Variants in SEMA3A observed in about 807,000 individuals in gnomAD.
SEMA3A encodes semaphorin-3A.
SEMA3A carries 29 observed loss-of-function variants against 97.9 expected under a neutral mutation model. The ratio of observed to expected loss-of-function variants is 0.30; its 90% CI spans 0.22 to 0.40. The LOEUF is 0.40. Among genes scored for constraint, SEMA3A ranks in the 10% least tolerant of loss-of-function variants. The pLI is 1.00. For synonymous variants in SEMA3A, 321 were observed against 323.7 expected, an observed-to-expected ratio of 0.99 and a Z score of 0.09; for missense variants, 763 against 951.3, an observed-to-expected ratio of 0.80 and a Z score of 2.60.
chr7:84,467,199 G>A (rs375639921), intron 1 of SEMA3A, among the ~76,000 whole-genome samples: 41 of 152,010 alleles, frequency 2.7e-4, no homozygotes, highest in African/African-American at 9.4e-4. Context: ...ATTTTCCTAA[G>A]TTGTAGACTT....
chr7:84,376,223 T>A (rs1803093704), intron 1 of SEMA3A, among the ~76,000 whole-genome samples: 1 of 152,168 alleles, frequency 6.6e-6, no homozygotes, highest in African/African-American at 2.4e-5. Flanking sequence ...GATTGCTGGA[T>A]CATAAGGTAA....
At chr7:84,438,199 G>C (rs1203440237) in intron 1 of SEMA3A, among the ~76,000 whole-genome samples, 1 of 152,062 alleles carries the variant, frequency 6.6e-6, no homozygotes, top group African/African-American at 2.4e-5. Flanking sequence ...GCACAAAATA[G>C]AAAGACCAGA....
chr7:83,963,473 G>A, intron 15 of SEMA3A, 126 bp from the exon 16 acceptor site: 1 of 1,003,020 alleles, frequency 1.0e-6, no homozygotes, highest in South Asian at 1.6e-5. Flanking sequence ...CATTGATTGA[G>A]GATGACAGAA....
chr7:84,077,620 T>C (rs747903157), intron 4 of SEMA3A, among the ~76,000 whole-genome samples: 1 of 152,068 alleles, frequency 6.6e-6, no homozygotes, highest in East Asian at 1.9e-4. Flanking sequence ...GCTGTCATAA[T>C]GGTATGATGT....
At chr7:84,412,150 A>G (rs1584303968) in intron 1 of SEMA3A, among the ~76,000 whole-genome samples, 1 of 152,138 alleles carries the variant, frequency 6.6e-6, no homozygotes, top group African/African-American at 2.4e-5. Flanking sequence ...TGAAAAGCCT[A>G]TTGATGAAAG....
chr7:84,164,573 T>C (rs1316716280), intron 1 of SEMA3A, among the ~76,000 whole-genome samples: 1 of 152,178 alleles, frequency 6.6e-6, no homozygotes, highest in Non-Finnish European at 1.5e-5. Flanking sequence ...AATGTTTATA[T>C]AGGCCACGCA....
intron 2 of SEMA3A, among the ~76,000 whole-genome samples, chr7:84,314,549 A>C (rs1381829676): frequency 2.6e-5 from 4 of 152,180 alleles, no homozygotes; most frequent in Admixed American, 2.0e-4. Flanking sequence ...ATGATGGTGC[A>C]GAGCCAAAGC....
chr7:84,200,734 C>T (rs1401031369), intron 3 of SEMA3A, among the ~76,000 whole-genome samples: 2 of 151,524 alleles, frequency 1.3e-5, no homozygotes, highest in East Asian at 1.9e-4. Context: ...AGAATGAATG[C>T]AGTGTTCCTG....
chr7:84,211,333 G>A (rs563376538), intron 3 of SEMA3A, among the ~76,000 whole-genome samples: 5 of 152,204 alleles, frequency 3.3e-5, no homozygotes, highest in Middle Eastern at 6.8e-3. Flanking sequence ...TTTCTCAGCC[G>A]GGTGTGGTGA....
intron 4 of SEMA3A, among the ~76,000 whole-genome samples, chr7:84,083,438 T>TG (rs1016924350): frequency 3.6e-4 from 54 of 151,482 alleles, no homozygotes; most frequent in South Asian, 2.1e-3. Context: ...ATCATTTTTT[T>TG]TGTGTGTGTG....
At chr7:84,133,116 A>G (rs1460334241) in intron 2 of SEMA3A, among the ~76,000 whole-genome samples, 1 of 152,242 alleles carries the variant, frequency 6.6e-6, no homozygotes, top group Non-Finnish European at 1.5e-5. Flanking sequence ...ATTTTTCGAT[A>G]ATAGATAACA....
chr7:84,062,754 G>A (rs921869649), intron 4 of SEMA3A, among the ~76,000 whole-genome samples: 1 of 152,218 alleles, frequency 6.6e-6, no homozygotes, highest in Non-Finnish European at 1.5e-5. Flanking sequence ...TCCCGCACCT[G>A]GCTTGGAGGG....
intron 6 of SEMA3A, among the ~76,000 whole-genome samples, chr7:84,044,319 G>T (rs909994071): frequency 6.6e-6 from 1 of 151,856 alleles, no homozygotes; most frequent in Non-Finnish European, 1.5e-5. Flanking sequence ...TCCCTGGTGA[G>T]GCATCACATT....
intron 2 of SEMA3A, among the ~76,000 whole-genome samples, chr7:84,134,541 T>C (rs567794406): frequency 3.3e-4 from 50 of 152,292 alleles, no homozygotes; most frequent in Non-Finnish European, 6.0e-4. Flanking sequence ...GTAGGAAAAA[T>C]AGATATGAAA....
chr7:84,041,561 A>G (rs1432936112), intron 6 of SEMA3A, among the ~76,000 whole-genome samples: 1 of 152,112 alleles, frequency 6.6e-6, no homozygotes, highest in East Asian at 1.9e-4. Flanking sequence ...TACCTTAAGT[A>G]TTCTCATTTT....
intron 4 of SEMA3A, among the ~76,000 whole-genome samples, chr7:84,078,530 T>C (rs559892903): frequency 1.3e-5 from 2 of 152,176 alleles, no homozygotes; most frequent in Admixed American, 6.5e-5. Context: ...TAGCTTTACT[T>C]CAAATAGCAA....
chr7:84,101,093 AT>A (rs910504927), intron 4 of SEMA3A, among the ~76,000 whole-genome samples: 9 of 151,284 alleles, frequency 5.9e-5, no homozygotes, highest in East Asian at 1.9e-4. Context: ...CTATGATGTC[AT>A]TTTTTTTTCT....
intron 4 of SEMA3A, among the ~76,000 whole-genome samples, chr7:84,085,401 A>AG (rs1271560970): frequency 2.0e-5 from 3 of 151,864 alleles, no homozygotes; most frequent in Non-Finnish European, 4.4e-5. Context: ...CTATTCTGGG[A>AG]GAAAAAAAAA....
At chr7:84,318,602 G>C (rs796827422) in intron 2 of SEMA3A, among the ~76,000 whole-genome samples, 22 of 152,096 alleles carry the variant, frequency 1.4e-4, no homozygotes, top group Admixed American at 3.9e-4. Flanking sequence ...GATTACAGGC[G>C]TGAGCCATCG....
Sources: allele counts gnomAD v4.1 joint callset (sites outside exome capture counted in the v4.1 genomes callset), GRCh38; gene constraint gnomAD v4.1.1; transcripts MANE v1.5; gene names NCBI Gene and HGNC (gene_info 2026-07-23, HGNC 2026-07-21).